C12orf42: variants seen among roughly 807,000 people sequenced by gnomAD.
The protein encoded by C12orf42 is chromosome 12 open reading frame 42, also known as uncharacterized protein C12orf42.
C12orf42 carries 25 observed loss-of-function variants against 21.6 expected under a neutral mutation model. The observed-to-expected ratio is 1.16, with a 90% CI of 0.84 to 1.62. C12orf42 has a LOEUF of 1.62. Ranked by LOEUF, C12orf42 falls within the 40% of genes most tolerant of loss-of-function variation. The pLI is 0.00. For synonymous variants in C12orf42, 174 were observed against 175.0 expected, an observed-to-expected ratio of 0.99 and a Z score of 0.05; for missense variants, 483 against 459.3, an observed-to-expected ratio of 1.05 and a Z score of -0.47.
At chr12:103,429,846 C>T (rs1259987654) in intron 2 of C12orf42, among the ~76,000 whole-genome samples, 1 of 152,100 alleles carries the variant, frequency 6.6e-6, no homozygotes, top group Non-Finnish European at 1.5e-5. Flanking sequence ...CTTTGACAAA[C>T]CTGACACAAA....
chr12:103,384,763 AAAGAT>A (rs996080381), intron 3 of C12orf42, among the ~76,000 whole-genome samples: 5 of 152,258 alleles, frequency 3.3e-5, no homozygotes, highest in Admixed American at 2.0e-4. Flanking sequence ...ATAGGTATTC[AAAGAT>A]GTCTATTGAC....
chr12:103,276,695 C>T (rs910219261), intron 5 of C12orf42, among the ~76,000 whole-genome samples: 1 of 152,086 alleles, frequency 6.6e-6, no homozygotes, highest in East Asian at 1.9e-4. Flanking sequence ...TCTTGTAAAC[C>T]TCTGAGATTT....
intron 5 of C12orf42, among the ~76,000 whole-genome samples, chr12:103,273,554 T>C (rs979578051): frequency 6.6e-6 from 1 of 152,170 alleles, no homozygotes; most frequent in African/African-American, 2.4e-5. Context: ...ACCATCTCAC[T>C]TTCCTGTCAT....
At chr12:103,318,101 A>AAC (rs2039702986) in intron 4 of C12orf42, among the ~76,000 whole-genome samples, 1 of 152,188 alleles carries the variant, frequency 6.6e-6, no homozygotes, top group African/African-American at 2.4e-5. Context: ...CAGCCTGAGC[A>AAC]ACATGGCAAA....
At chr12:103,186,626 T>C in the C12orf42 span, among the ~76,000 whole-genome samples, 6 of 152,150 alleles carry the variant, frequency 3.9e-5, no homozygotes, top group East Asian at 9.7e-4. Flanking sequence ...ATGGATGTGA[T>C]TGATTAATTT....
the C12orf42 span, among the ~76,000 whole-genome samples, chr12:103,228,491 A>T: frequency 2.0e-5 from 3 of 152,106 alleles, no homozygotes; most frequent in Non-Finnish European, 4.4e-5. Context: ...ACTTCAGGCC[A>T]TCTGGGCATA....
chr12:103,550,933 A>G, the C12orf42 span, among the ~76,000 whole-genome samples: 21 of 152,032 alleles, frequency 1.4e-4, no homozygotes, highest in Non-Finnish European at 2.9e-4. Flanking sequence ...TATATTTACA[A>G]TGAGGATTAT....
intron 4 of C12orf42, among the ~76,000 whole-genome samples, chr12:103,318,358 T>C (rs2039742719): frequency 6.6e-6 from 1 of 152,184 alleles, no homozygotes; most frequent in African/African-American, 2.4e-5. Flanking sequence ...GCATGTACCC[T>C]AGTTTCTCTA....
At chr12:103,367,445 TA>T (rs1301691974) in intron 4 of C12orf42, among the ~76,000 whole-genome samples, 1,029 of 93,808 alleles carry the variant, frequency 0.011, 1 homozygote, top group African/African-American at 0.027. Context: ...ACTATGGAAA[TA>T]AAAAAAAAAA....
the C12orf42 span, among the ~76,000 whole-genome samples, chr12:103,118,735 T>C: frequency 8.0e-6 from 1 of 125,038 alleles, no homozygotes; most frequent in African/African-American, 3.1e-5. Flanking sequence ...AAGGCAGAGC[T>C]TGCAGTGAGC....
At chr12:103,115,268 G>T in the C12orf42 span, among the ~76,000 whole-genome samples, 5 of 152,062 alleles carry the variant, frequency 3.3e-5, no homozygotes, top group Non-Finnish European at 7.4e-5. Flanking sequence ...TTTTTATTGC[G>T]ACCATAAAAT....
chr12:103,096,548 A>C, the C12orf42 span, among the ~76,000 whole-genome samples: 1 of 152,244 alleles, frequency 6.6e-6, no homozygotes, highest in Non-Finnish European at 1.5e-5. Flanking sequence ...GATTTCAGTT[A>C]CAATCATATC....
At chr12:103,112,099 C>A in the C12orf42 span, among the ~76,000 whole-genome samples, 9 of 152,124 alleles carry the variant, frequency 5.9e-5, no homozygotes, top group Non-Finnish European at 8.8e-5. Context: ...ATTTCATTAA[C>A]AATAAATAGA....
At chr12:103,214,246 A>C in the C12orf42 span, among the ~76,000 whole-genome samples, 1 of 152,198 alleles carries the variant, frequency 6.6e-6, no homozygotes, top group South Asian at 2.1e-4. Context: ...ACAGAAGATA[A>C]AAAGAAAAAT....
chr12:103,221,071 A>AGTGTT, the C12orf42 span, among the ~76,000 whole-genome samples: 1 of 152,358 alleles, frequency 6.6e-6, no homozygotes, highest in East Asian at 1.9e-4. Flanking sequence ...CTTCAGCAAC[A>AGTGTT]GCTGAATGTC....
At chr12:103,532,737 T>C in the C12orf42 span, among the ~76,000 whole-genome samples, 2 of 152,236 alleles carry the variant, frequency 1.3e-5, no homozygotes, top group Non-Finnish European at 2.9e-5. Context: ...ATTTGCATGA[T>C]ATGCTTATTA....
At chr12:103,059,657 C>T in the C12orf42 span, among the ~76,000 whole-genome samples, 1 of 152,186 alleles carries the variant, frequency 6.6e-6, no homozygotes, top group South Asian at 2.1e-4. Flanking sequence ...CCCAAGGATG[C>T]AAGGCTGGTT....
chr12:103,447,089 C>G (rs1205965454), intron 2 of C12orf42, among the ~76,000 whole-genome samples: 1 of 151,906 alleles, frequency 6.6e-6, no homozygotes, highest in Non-Finnish European at 1.5e-5. Flanking sequence ...GGAACATTCT[C>G]CAAGATAGAC....
chr12:103,367,063 A>G (rs2044667537), intron 4 of C12orf42, among the ~76,000 whole-genome samples: 1 of 152,088 alleles, frequency 6.6e-6, no homozygotes. Flanking sequence ...ATGTCCATCA[A>G]TCAACGGGTG....
Sources: gnomAD v4.1 joint callset for allele counts (sites outside exome capture counted in the v4.1 genomes callset) on GRCh38, gnomAD v4.1.1 for gene constraint, MANE v1.5 for transcripts, NCBI Gene and HGNC (gene_info 2026-07-23, HGNC 2026-07-21) for gene names.